The following TC2N variants were observed in gnomAD, a reference collection of about 807,000 sequenced individuals.
The protein encoded by TC2N is tandem C2 domains, nuclear, also known as tandem C2 domains nuclear protein.
In TC2N, 51 loss-of-function variants were observed where a neutral mutation model predicts 61.9. That is an observed-to-expected ratio of 0.82 (90% CI 0.66 to 1.04). The LOEUF (loss-of-function observed/expected upper bound fraction) is 1.04. Among genes scored for constraint, TC2N ranks in the 50% least tolerant of loss-of-function variants. TC2N has a pLI of 0.00. For missense variants in TC2N, 556 were observed against 566.7 expected, an observed-to-expected ratio of 0.98 and a Z score of 0.19; for synonymous variants, 204 against 192.6, an observed-to-expected ratio of 1.06 and a Z score of -0.49.
chr14:91,834,589 C>G (rs1887925371), intron 1 of TC2N, among the ~76,000 whole-genome samples: 1 of 152,142 alleles, frequency 6.6e-6, no homozygotes, highest in Non-Finnish European at 1.5e-5. Context: ...ATTCTCTCCT[C>G]AGATTCATTC....
intron 3 of TC2N, 144 bp from the exon 4 acceptor site, chr14:91,802,565 C>T (rs2139846678): frequency 1.4e-6 from 1 of 699,160 alleles, no homozygotes; most frequent in African/African-American, 1.8e-5. Context: ...AAGATCAGCA[C>T]ATATTTAGGG....
intron 8 of TC2N, among the ~76,000 whole-genome samples, chr14:91,793,358 A>C (rs916327880): frequency 6.6e-6 from 1 of 152,182 alleles, no homozygotes; most frequent in Non-Finnish European, 1.5e-5. Flanking sequence ...AAAAGGCAAG[A>C]TATCTGGGCA....
chr14:91,830,335 G>T (rs972380335), intron 1 of TC2N, among the ~76,000 whole-genome samples: 1 of 152,132 alleles, frequency 6.6e-6, no homozygotes, highest in African/African-American at 2.4e-5. Context: ...ACAAAATGTG[G>T]TATACAGCCA....
intron 9 of TC2N, among the ~76,000 whole-genome samples, chr14:91,790,704 T>C (rs188916880): frequency 6.6e-6 from 1 of 152,368 alleles, no homozygotes; most frequent in Admixed American, 6.5e-5. Context: ...ATATGAATTA[T>C]CTATTTGAAT....
At chr14:91,819,012 A>C (rs1165932673) in intron 1 of TC2N, among the ~76,000 whole-genome samples, 3 of 152,162 alleles carry the variant, frequency 2.0e-5, no homozygotes, top group Admixed American at 2.0e-4. Flanking sequence ...CAAACCACAG[A>C]TCTAAGAACC....
intron 1 of TC2N, among the ~76,000 whole-genome samples, chr14:91,851,272 T>C (rs2139918271): frequency 6.6e-6 from 1 of 152,330 alleles, no homozygotes; most frequent in South Asian, 2.1e-4. Context: ...CACTTTACAA[T>C]AATACAGGGT....
intron 1 of TC2N, among the ~76,000 whole-genome samples, chr14:91,864,181 TC>T (rs1566793020): frequency 6.6e-6 from 1 of 152,194 alleles, no homozygotes; most frequent in African/African-American, 2.4e-5. Context: ...ACCAAACATC[TC>T]GCAACTCTAA....
chr14:91,788,592 A>G (rs948681941), intron 9 of TC2N, among the ~76,000 whole-genome samples: 1 of 152,214 alleles, frequency 6.6e-6, no homozygotes, highest in African/African-American at 2.4e-5. Flanking sequence ...GACATTGCTC[A>G]GTATTCCCCA....
intron 3 of TC2N, among the ~76,000 whole-genome samples, chr14:91,804,312 TC>T (rs1388541279): frequency 6.6e-6 from 1 of 152,192 alleles, no homozygotes; most frequent in East Asian, 1.9e-4. Flanking sequence ...ATATTTATAT[TC>T]TATGACCCAA....
At chr14:91,798,438 C>T (rs368877296) in intron 6 of TC2N, 39 bp from the exon 7 acceptor site, 2 of 1,113,604 alleles carry the variant, frequency 1.8e-6, no homozygotes, top group African/African-American at 3.2e-5. Flanking sequence ...AAATGCCATG[C>T]AATCCTTCTA....
intron 1 of TC2N, among the ~76,000 whole-genome samples, chr14:91,846,817 G>A (rs1049486365): frequency 6.6e-6 from 1 of 152,212 alleles, no homozygotes; most frequent in Non-Finnish European, 1.5e-5. Flanking sequence ...ACTGAGGGCT[G>A]TTCGTTAAGG....
At chr14:91,796,957 A>G (rs1885928009) in intron 8 of TC2N, among the ~76,000 whole-genome samples, 1 of 37,428 alleles carries the variant, frequency 2.7e-5, no homozygotes, top group South Asian at 1.9e-3. Flanking sequence ...AACTTCCAAG[A>G]GTATTTTATA....
chr14:91,813,213 T>C (rs1886857457), intron 2 of TC2N, among the ~76,000 whole-genome samples: 1 of 151,816 alleles, frequency 6.6e-6, no homozygotes, highest in Admixed American at 6.6e-5. Flanking sequence ...GGGTCCTTAA[T>C]AAATGTGAGT....
chr14:91,853,649 TACACACACACACAC>T (rs71123304), intron 1 of TC2N, among the ~76,000 whole-genome samples: 1 of 103,044 alleles, frequency 9.7e-6, no homozygotes, highest in South Asian at 3.3e-4. Flanking sequence ...TTTTTTAAAG[TACACACACACACAC>T]ACACACACAC....
intron 3 of TC2N, chr14:91,811,995 T>A (rs1886790073): frequency 5.9e-6 from 1 of 170,922 alleles, no homozygotes. Flanking sequence ...GATGCAATCA[T>A]TCTTTTTTTT....
intron 1 of TC2N, among the ~76,000 whole-genome samples, chr14:91,864,503 T>G (rs1888656169): frequency 6.6e-6 from 1 of 152,194 alleles, no homozygotes; most frequent in Non-Finnish European, 1.5e-5. Context: ...CCAAAGCACC[T>G]ACCCTATTTT....
At chr14:91,807,250 C>G (rs764574981) in intron 3 of TC2N, among the ~76,000 whole-genome samples, 1 of 152,188 alleles carries the variant, frequency 6.6e-6, no homozygotes, top group Non-Finnish European at 1.5e-5. Context: ...TTGAAGCCCC[C>G]ACAGAGTCTC....
intron 1 of TC2N, among the ~76,000 whole-genome samples, chr14:91,833,916 T>C (rs1232743646): frequency 1.3e-5 from 2 of 152,152 alleles, no homozygotes; most frequent in South Asian, 2.1e-4. Flanking sequence ...GTCTGAACTC[T>C]TGAGCAACAA....
In TC2N at chr14:91,785,238, T is replaced by C. The variant is rs1210729446; in HGVS notation, c.1286A>G (p.Gln429Arg). The part of the protein sequence containing the change: ...WGETMIFPLI[Q>R]SEKEIVFLIK... ...GAGAAAAACAATTTCTTTTTCACTC[T>C]GTATAAGTGGAAAAATCATAGTCTC... Residue 429 changes from glutamine to arginine, a missense_variant, in exon 11 of 12, where the codon CAG (glutamine) becomes CGG (arginine). By Grantham distance (43) the Gln-to-Arg change is conservative (BLOSUM62 1). Transcript: ENST00000435962. 3 of 1,612,918 alleles carry C rather than the reference T, an allele frequency of 1.9e-6. No homozygotes were observed. In the African/African-American group the frequency reaches 4.0e-5, roughly 22 times the overall value.
Sources: gnomAD v4.1 joint callset for allele counts (sites outside exome capture counted in the v4.1 genomes callset) on GRCh38, gnomAD v4.1.1 for gene constraint, MANE v1.5 for transcripts, NCBI Gene and HGNC (gene_info 2026-07-23, HGNC 2026-07-21) for gene names.